Variants in NOS2 observed in about 807,000 individuals in gnomAD.
NOS2 encodes the protein nitric oxide synthase, inducible.
NOS2 carries 96 observed loss-of-function variants against 136.0 expected under a neutral mutation model. The observed-to-expected ratio is 0.71, with a 90% CI of 0.60 to 0.84. The LOEUF is 0.84. Ranked by LOEUF, NOS2 falls within the 40% of genes least tolerant of loss-of-function variation. The pLI, the probability that NOS2 is intolerant of heterozygous loss-of-function variation, is 0.00. For missense variants in NOS2, 1,237 were observed against 1,496.9 expected (o/e 0.83, Z 2.87); for synonymous variants, 539 against 587.5 (o/e 0.92, Z 1.20).
chr17:27,776,622 G>A (rs893368969), intron 11 of NOS2, among the ~76,000 whole-genome samples: 11 of 144,064 alleles, frequency 7.6e-5, no homozygotes, highest in Non-Finnish European at 1.1e-4. Context: ...GCAGTGAGCC[G>A]AGATCACACC....
chr17:27,777,556 G>A (rs1047210926), intron 11 of NOS2, among the ~76,000 whole-genome samples: 3 of 152,314 alleles, frequency 2.0e-5, no homozygotes, highest in African/African-American at 4.8e-5. Flanking sequence ...TCATGCACAC[G>A]TCAGACAAGG....
chr17:27,774,003 G>A (rs951764235), intron 12 of NOS2, among the ~76,000 whole-genome samples: 14 of 152,206 alleles, frequency 9.2e-5, no homozygotes, highest in Admixed American at 1.3e-4. Flanking sequence ...TCCCGTGGAA[G>A]CAGGTGTAAT....
chr17:27,763,144 G>C, intron 21 of NOS2, 139 bp from the exon 22 acceptor site: 1 of 616,884 alleles, frequency 1.6e-6, no homozygotes, highest in Non-Finnish European at 2.8e-6. Context: ...ATGGTGCTGA[G>C]ACGACCAAAC....
chr17:27,766,014 A>G (rs1253643216), intron 19 of NOS2, among the ~76,000 whole-genome samples: 3 of 152,212 alleles, frequency 2.0e-5, no homozygotes, highest in Admixed American at 1.3e-4. Context: ...TTGGACATAC[A>G]TGGATATCAG....
At chr17:27,765,974 T>C (rs1487751994) in intron 19 of NOS2, among the ~76,000 whole-genome samples, 1 of 152,228 alleles carries the variant, frequency 6.6e-6, no homozygotes, top group Non-Finnish European at 1.5e-5. Flanking sequence ...AGGGCTTGGC[T>C]ACAGCCTCTG....
intron 2 of NOS2, among the ~76,000 whole-genome samples, chr17:27,795,724 C>A (rs1353847220): frequency 1.3e-5 from 2 of 152,198 alleles, no homozygotes. Context: ...AAAATTCCTT[C>A]CTTGTGGATC....
chr17:27,759,960 C>T, intron 25 of NOS2, 70 bp downstream of exon 25: 1 of 1,415,664 alleles, frequency 7.1e-7, no homozygotes, highest in South Asian at 1.6e-5. Flanking sequence ...GGCGAGGGGC[C>T]TGTGGGGACC....
At chr17:27,781,978 G>T in intron 7 of NOS2, 37 bp downstream of exon 7, 1 of 1,579,330 alleles carries the variant, frequency 6.3e-7, no homozygotes. Context: ...CTCAGGCAAG[G>T]CAAGCCCCTC....
rs1376054074 is a variant in NOS2 at position 27,767,804 on chromosome 17, G to A, written c.2068C>T (p.Gln690Ter). The A allele has an allele frequency of 1.9e-6, 3 of 1,608,290 alleles. No individual in the cohort carries two copies. Among genetic ancestry groups the A allele is most frequent in the Non-Finnish European group, 2.5e-6 (3 of 1,178,406 alleles). The change falls in exon 18 of 27, where the codon CAG (glutamine) becomes TAG (stop). Residue 690 changes from glutamine to a stop codon, truncating the protein, a stop_gained. Coordinates refer to ENST00000313735, the MANE Select transcript of NOS2 (RefSeq NM_000625.4). LOFTEE classifies it high-confidence loss of function. Reference sequence around the variant, plus strand: ...TAGAGCTTGGGGATCTGAATGTGCTGTTTGCCTCGGACATCAAACGTCTCA... The same window carrying A: ...TAGAGCTTGGGGATCTGAATGTGCTATTTGCCTCGGACATCAAACGTCTCA... ...ACETFDVRGK[Q>*]HIQIPKLYTS...
At chr17:27,772,234 A>G in intron 14 of NOS2, 74 bp downstream of exon 14, 1 of 1,541,910 alleles carries the variant, frequency 6.5e-7, no homozygotes, top group Non-Finnish European at 8.9e-7. Context: ...AGGAGTGGGG[A>G]AACCGTTTTA....
Position 27,766,777 on chromosome 17 carries a change from T to C in NOS2, c.2168-189A>G, listed in dbSNP as rs1908316166. Among the ~76,000 whole-genome samples, 3 of 152,152 alleles carry C rather than the reference T, an allele frequency of 2.0e-5. No homozygotes were observed. The South Asian group carries it at 6.2e-4, about 32-fold the overall frequency. ...GATCCTTGGTCCAGGCCGGGCATGG[T>C]GGCTCATGCCTGTAATCCCAGCACT... On this transcript the variant is annotated intron_variant, in intron 18 of 26. Transcript: ENST00000313735.
intron 11 of NOS2, among the ~76,000 whole-genome samples, chr17:27,777,154 G>C (rs1012005277): frequency 6.6e-6 from 1 of 152,234 alleles, no homozygotes; most frequent in Non-Finnish European, 1.5e-5. Flanking sequence ...CTGCCTATGG[G>C]GTGACCCAGT....
At chr17:27,780,641 C>A (rs1427931161) in intron 9 of NOS2, 126 bp downstream of exon 9, 1 of 1,223,992 alleles carries the variant, frequency 8.2e-7, no homozygotes, top group Non-Finnish European at 1.2e-6. Flanking sequence ...AAGGCCAGCC[C>A]CCTGAGTGTC....
chr17:27,769,030 C>T lies in NOS2; in HGVS notation c.1981G>A (p.Glu661Lys). The T allele has an allele frequency of 1.2e-6, 2 of 1,612,750 alleles. No individual in the cohort carries two copies. The highest frequency in any genetic ancestry group is 1.7e-6 in the Non-Finnish European group (2 of 1,179,626). ...AAGGCGTCCTCCTGCCCACTGAGCT[C>T]ATCCCCTTCTCCCATCGGGGTGAGC... is the stretch of plus-strand genomic sequence containing the variant. ...SQLTPMGEGDELSGQEDAFRS... is the reference protein window; with the variant it reads ...SQLTPMGEGDKLSGQEDAFRS... Residue 661 changes from glutamate to lysine, a missense_variant, in exon 17 of 27, where the codon GAG becomes AAG. Physicochemically the swap from Glu to Lys is moderately conservative, Grantham distance 56. Coordinates refer to ENST00000313735, the MANE Select transcript of NOS2 (RefSeq NM_000625.4).
chr17:27,760,125 C>T lies in NOS2; in HGVS notation c.3064G>A (p.Asp1022Asn), dbSNP rs1946540539. The T allele has an allele frequency of 6.2e-7, 1 of 1,606,610 alleles. No homozygotes were observed. The highest frequency in any genetic ancestry group is 8.5e-7 in the Non-Finnish European group (1 of 1,176,776). Residue 1022 changes from aspartate (D) to asparagine (N), a missense_variant, in exon 25 of 27, where the codon GAC becomes AAC. Physicochemically the swap from Asp to Asn is conservative, Grantham distance 23. This residue lies in a region of NOS2 where 782 missense variants were observed against 909.9 expected (regional missense o/e 0.86). Coordinates refer to ENST00000313735, the MANE Select transcript of NOS2 (RefSeq NM_000625.4). ...LVFGCRRPDE[D>N]HIYQEEMLEM... ...AGCATCTCCTCCTGGTAGATGTGGTCCTCATCTGGGCGGCGGCACCCAAAC... is the reference window on the plus strand; with the variant it reads ...AGCATCTCCTCCTGGTAGATGTGGTTCTCATCTGGGCGGCGGCACCCAAAC...
At chr17:27,765,741 G>A (rs1404629538) in intron 19 of NOS2, 25 bp from the exon 20 acceptor site, 7 of 1,575,952 alleles carry the variant, frequency 4.4e-6, no homozygotes, top group African/African-American at 1.4e-5. Flanking sequence ...TGAAGCCTCA[G>A]GTGACATTGC....
At chr17:27,788,688 C>T (rs1306530662) in intron 4 of NOS2, 121 bp downstream of exon 4, 24 of 1,246,536 alleles carry the variant, frequency 1.9e-5, no homozygotes, top group Middle Eastern at 5.9e-4. Context: ...TGTTCCTAGA[C>T]CCCTTTGCCC....
At chr17:27,760,915 A>C (rs1442570388) in intron 23 of NOS2, among the ~76,000 whole-genome samples, 171 bp from the exon 24 acceptor site, 2 of 152,108 alleles carry the variant, frequency 1.3e-5, no homozygotes, top group African/African-American at 4.8e-5. Context: ...CTGTCCAGGC[A>C]CCAGCACCTC....
At chr17:27,773,138 T>A (rs916982014) in intron 13 of NOS2, 23 bp downstream of exon 13, 23 of 1,577,858 alleles carry the variant, frequency 1.5e-5, no homozygotes, top group Non-Finnish European at 1.9e-5. Context: ...ACATCACTAC[T>A]AGCCACTGCC....
Sources: gnomAD v4.1 joint callset for allele counts (sites outside exome capture counted in the v4.1 genomes callset) on GRCh38, gnomAD v4.1.1 for gene constraint, gnomAD v4.1.1 regional missense constraint, MANE v1.5 for transcripts, NCBI Gene and HGNC (gene_info 2026-07-23, HGNC 2026-07-21) for gene names.